DPH6: variants seen among roughly 807,000 people sequenced by gnomAD.
DPH6 encodes the protein diphthine--ammonia ligase.
Under a neutral mutation model 38.2 loss-of-function variants are expected in DPH6, and 33 were observed. That is an observed-to-expected ratio of 0.86 (90% CI 0.65 to 1.15). The LOEUF is 1.15. DPH6 is among the 50% of genes most tolerant of loss of function. The pLI is 0.00. For missense variants in DPH6, 325 were observed against 320.0 expected (o/e 1.02, Z -0.12); for synonymous variants, 108 against 103.0 (o/e 1.05, Z -0.30).
rs147571416 is a variant in DPH6, at chr15:35,340,025, G to A, written n.208-8948C>T. Among the ~76,000 whole-genome samples the A allele has an allele frequency of 3.6e-3, 546 of 152,176 alleles. 12 individuals carry two copies. Among genetic ancestry groups the A allele is most frequent in the Admixed American group, 0.032 (490 of 15,274 alleles). ...ATTGTGTGGGAGTCTGTCCCTCTGAGGTCTCTAATAAATTGCTTTATGAAT... is the reference window on the plus strand; with the variant it reads ...ATTGTGTGGGAGTCTGTCCCTCTGAAGTCTCTAATAAATTGCTTTATGAAT... On this transcript the variant is annotated intron_variant and non_coding_transcript_variant, in intron 3 of 3. Coordinates refer to the DPH6 transcript ENST00000558973.
At chr15:35,513,332 T>C (rs545321424) in intron 3 of DPH6, among the ~76,000 whole-genome samples, 2 of 152,080 alleles carry the variant, frequency 1.3e-5, no homozygotes, top group East Asian at 3.9e-4. Flanking sequence ...AGGAAGAACA[T>C]GGGTGAGTAC....
Position 35,271,886 on chromosome 15 carries a change from A to G in DPH6, n.201-51304T>C, listed in dbSNP as rs369823519. On this transcript the variant is annotated intron_variant and non_coding_transcript_variant, in intron 3 of 3. Coordinates refer to the DPH6 transcript ENST00000560386. ...CTCAGTGTTCAAGGGCATGAACTCT[A>G]TAACCACACAGCTGTGTTTAAACTT... Among the ~76,000 whole-genome samples, 22 of 152,352 alleles carry G rather than the reference A, an allele frequency of 1.4e-4. 4 individuals are homozygous for G. Among genetic ancestry groups the G allele is most frequent in the East Asian group, 7.7e-4 (4 of 5,192 alleles).
intron 3 of DPH6, among the ~76,000 whole-genome samples, chr15:35,527,968 A>G (rs888819759): frequency 1.3e-5 from 2 of 152,186 alleles, no homozygotes; most frequent in African/African-American, 4.8e-5. Flanking sequence ...AGTAAACTTT[A>G]AGGGGTCAAT....
the DPH6 span, among the ~76,000 whole-genome samples, chr15:35,179,706 CAG>C: frequency 1.3e-5 from 2 of 152,046 alleles, no homozygotes; most frequent in Non-Finnish European, 2.9e-5. Flanking sequence ...CTTGTAAAGA[CAG>C]GGGATGCTAG....
chr15:35,196,374 A>G, the DPH6 span, among the ~76,000 whole-genome samples: 1 of 152,142 alleles, frequency 6.6e-6, no homozygotes. Flanking sequence ...CTTGATAGAG[A>G]TGCTAAGCTT....
At position 35,233,298 on chromosome 15, in the gene DPH6, A is replaced by G. The variant is rs1595438627; in HGVS notation, n.201-12716T>C. On this transcript the variant is annotated intron_variant and non_coding_transcript_variant, in intron 3 of 3. Transcript: ENST00000560386. ...CACTCCAGCCTAGGCAACAAGAGCA[A>G]AACTCTGTATCAAAAGTAAATAAAT... Among the ~76,000 whole-genome samples the G allele has an allele frequency of 4.6e-5, 7 of 152,322 alleles. No homozygotes were observed. The South Asian group carries it at 1.5e-3, about 32-fold the overall frequency.
At position 35,308,950 on chromosome 15, in the gene DPH6, T is replaced by C. The variant is rs937893424; in HGVS notation, n.200+64571A>G. On this transcript the variant is annotated intron_variant and non_coding_transcript_variant, in intron 3 of 3. Transcript: ENST00000560386. The stretch of plus-strand genomic sequence containing the variant: ...ACTAACACTGTCAAGTTTACATACA[T>C]TCTCAAATGCTTATTTATGTAACAA... Among the ~76,000 whole-genome samples, 3 of 152,332 alleles carry C rather than the reference T, an allele frequency of 2.0e-5. No homozygotes were observed. In the East Asian group the frequency reaches 5.8e-4, roughly 29 times the overall value.
At chr15:35,507,766 G>T (rs1353313105) in intron 3 of DPH6, among the ~76,000 whole-genome samples, 1 of 151,940 alleles carries the variant, frequency 6.6e-6, no homozygotes, top group Non-Finnish European at 1.5e-5. Context: ...TCTCTCTGGA[G>T]GTTAGACTGT....
At chr15:35,189,948 C>A in the DPH6 span, among the ~76,000 whole-genome samples, 2 of 152,186 alleles carry the variant, frequency 1.3e-5, no homozygotes, top group Middle Eastern at 3.2e-3. Context: ...AAGAGACAGA[C>A]AACATCTTGT....
At chr15:35,313,474 T>A (rs2052161660) in intron 3 of DPH6, among the ~76,000 whole-genome samples, 1 of 152,272 alleles carries the variant, frequency 6.6e-6, no homozygotes, top group East Asian at 1.9e-4. Context: ...TCCATGAGCA[T>A]GGAATATCTT....
chr15:35,248,225 A>G (rs2140406966), intron 3 of DPH6, among the ~76,000 whole-genome samples: 1 of 152,318 alleles, frequency 6.6e-6, no homozygotes, highest in Admixed American at 6.5e-5. Flanking sequence ...GAGGCAAGCC[A>G]TGGAAACTAG....
intron 3 of DPH6, among the ~76,000 whole-genome samples, chr15:35,232,623 A>AATAT (rs747309982): frequency 6.6e-6 from 1 of 151,818 alleles, no homozygotes; most frequent in Non-Finnish European, 1.5e-5. Context: ...AAACAACAAC[A>AATAT]ATATATATAT....
intron 3 of DPH6, among the ~76,000 whole-genome samples, chr15:35,301,868 G>A (rs1318973867): frequency 6.6e-6 from 1 of 152,120 alleles, no homozygotes; most frequent in Non-Finnish European, 1.5e-5. Context: ...CAGCCACTTG[G>A]GAGGCTGAGG....
At chr15:35,293,888 A>C (rs192194521) in intron 3 of DPH6, among the ~76,000 whole-genome samples, 1 of 152,216 alleles carries the variant, frequency 6.6e-6, no homozygotes, top group African/African-American at 2.4e-5. Flanking sequence ...CTAATTCTGC[A>C]TCATTGTCTT....
chr15:35,228,657 T>C (rs1031651064), intron 3 of DPH6, among the ~76,000 whole-genome samples: 10 of 152,178 alleles, frequency 6.6e-5, no homozygotes, highest in Admixed American at 3.9e-4. Context: ...GTGAGTTTTA[T>C]ACCATCAGAT....
At chr15:35,157,759 A>G in the DPH6 span, among the ~76,000 whole-genome samples, 1 of 152,130 alleles carries the variant, frequency 6.6e-6, no homozygotes, top group South Asian at 2.1e-4. Context: ...CTTAGTGACC[A>G]TTCCTGTTCT....
At chr15:35,161,770 A>G in the DPH6 span, among the ~76,000 whole-genome samples, 4 of 151,910 alleles carry the variant, frequency 2.6e-5, no homozygotes, top group African/African-American at 9.7e-5. Flanking sequence ...CCAGCAAGAG[A>G]GACCTCAACA....
downstream of DPH6, among the ~76,000 whole-genome samples, chr15:35,368,088 C>G (rs967386248): frequency 2.0e-5 from 3 of 151,818 alleles, no homozygotes; most frequent in African/African-American, 7.2e-5. Flanking sequence ...AACAACTAAA[C>G]ATAAAGCAGA....
intron 3 of DPH6, among the ~76,000 whole-genome samples, chr15:35,343,866 ACTAT>A (rs1038935800): frequency 3.3e-5 from 5 of 152,040 alleles, no homozygotes; most frequent in East Asian, 1.9e-4. Flanking sequence ...TATTTAAAGC[ACTAT>A]CTAACATTTG....
Sources: gnomAD v4.1 joint callset for allele counts (sites outside exome capture counted in the v4.1 genomes callset) on GRCh38, gnomAD v4.1.1 for gene constraint, MANE v1.5 for transcripts, NCBI Gene and HGNC (gene_info 2026-07-23, HGNC 2026-07-21) for gene names.